RPL7A: variants seen among roughly 807,000 people sequenced by gnomAD.
RPL7A encodes large ribosomal subunit protein eL8.
For synonymous variants in RPL7A, 158 were observed against 128.2 expected (o/e 1.23, Z -1.57); for missense variants, 291 against 338.2 (o/e 0.86, Z 1.09).
At position 133,349,538 on chromosome 9, in the gene RPL7A, C is replaced by T; in HGVS notation, c.125-13C>T. 1 of 1,614,080 alleles carries T rather than the reference C, an allele frequency of 6.2e-7. No individual in the cohort carries two copies. The highest frequency in any genetic ancestry group is 8.5e-7 in the Non-Finnish European group (1 of 1,179,966). On this transcript the variant is annotated splice_polypyrimidine_tract_variant and intron_variant, in intron 2 of 7. Coordinates refer to ENST00000323345, the MANE Select transcript of RPL7A (RefSeq NM_000972.3). ...AATTTGAGCCTCACTCGGTGTCACCCTTTACTTCTCAGGACAGGACATCCA... is the reference window on the plus strand; with the variant it reads ...AATTTGAGCCTCACTCGGTGTCACCTTTTACTTCTCAGGACAGGACATCCA...
chr9:133,350,915 G>A (rs1836381129), intron 6 of RPL7A, 87 bp from the exon 7 acceptor site: 2 of 1,525,830 alleles, frequency 1.3e-6, no homozygotes, highest in South Asian at 1.1e-5. Flanking sequence ...TGAGGCAAAA[G>A]ACTGTCTTGA....
chr9:133,350,293 A>G lies in RPL7A; in HGVS notation c.469A>G (p.Ile157Val), dbSNP rs2129992666. ...VENKKAQLVVIAHDVDPIELV... is the reference protein window; with the variant it reads ...VENKKAQLVVVAHDVDPIELV... The stretch of plus-strand genomic sequence containing the variant: ...GAACAAGAAAGCTCAGCTGGTGGTG[A>G]TTGCACACGACGTGGATCCCATCGA... Residue 157 changes from isoleucine (I) to valine (V), a missense_variant, in exon 5 of 8, where the codon ATT becomes GTT. Physicochemically the swap from Ile to Val is conservative, Grantham distance 29. Coordinates refer to ENST00000323345, the MANE Select transcript of RPL7A (RefSeq NM_000972.3). 1.9e-6 allele frequency: 3 copies of G among 1,613,956 alleles called. No homozygotes were observed. Among genetic ancestry groups the G allele is most frequent in the Admixed American group, 3.3e-5 (2 of 59,992 alleles).
At position 133,348,959 on chromosome 9, in the gene RPL7A, C is replaced by T. The variant is rs2129982442; in HGVS notation, c.41C>T (p.Pro14Leu). The part of the protein sequence containing the change: ...GKKAKGKKVA[P>L]APAVVKKQEA... ...AAGGCCAAGGGAAAGAAGGTGGCTC[C>T]GGCCCCAGCTGTCGTGAAGAAGCAG... The change falls in exon 2 of 8, where the codon CCG becomes CTG. Residue 14 changes from proline to leucine, a missense_variant. By Grantham distance (98) the Pro-to-Leu change is moderately conservative. Transcript: ENST00000323345. 2 of 1,613,960 alleles carry T rather than the reference C, an allele frequency of 1.2e-6. No individual in the cohort carries two copies. Among genetic ancestry groups the T allele is most frequent in the Non-Finnish European group, 1.7e-6 (2 of 1,180,000 alleles).
rs1448619961 is a variant in RPL7A, at chr9:133,351,393, T to TA, written c.*32dup. ...TGTACACTGTTGAGTTTTCTGTACA[T>TA]AAAAATAATTGAAATAATACAAATT... On this transcript the variant is annotated 3_prime_UTR_variant, in exon 8 of 8. Transcript: ENST00000323345. 1 of 1,473,870 alleles carries TA rather than the reference T, an allele frequency of 6.8e-7. No individual in the cohort carries two copies. The highest frequency in any genetic ancestry group is 1.4e-5 in the African/African-American group (1 of 72,254). The allele number at this position is 1,473,870 out of a possible 1,614,324, so 91.3% of individuals were successfully genotyped here. A position where few individuals can be genotyped will look rare whatever the true frequency, so the allele number is the denominator to read the frequency against.
At chr9:133,349,872 A>AAC in intron 3 of RPL7A, 40 bp from the exon 4 acceptor site, 1 of 1,607,172 alleles carries the variant, frequency 6.2e-7, no homozygotes, top group Non-Finnish European at 8.5e-7. Flanking sequence ...CAAGGATTAG[A>AAC]ACCTTGACTC....
Position 133,348,312 on chromosome 9 carries a change from C to A in RPL7A, c.3+66C>A, listed in dbSNP as rs2129977926. On this transcript the variant is annotated intron_variant, in intron 1 of 7. Transcript: ENST00000323345. Reference sequence around the variant, plus strand: ...GGCTGTATCCGCTGCCATCCTCCTCCAGGCGCGGCCTCGGAGGGCCTCCTG... The same window carrying A: ...GGCTGTATCCGCTGCCATCCTCCTCAAGGCGCGGCCTCGGAGGGCCTCCTG... 277 of 1,610,988 alleles carry A rather than the reference C, an allele frequency of 1.7e-4. 1 individual carries two copies. The African/African-American group carries it at 3.6e-3, about 21-fold the overall frequency.
Position 133,350,225 on chromosome 9 carries a change from G to C in RPL7A, c.416-15G>C. On this transcript the variant is annotated splice_polypyrimidine_tract_variant and intron_variant, in intron 4 of 7. Coordinates refer to ENST00000323345, the MANE Select transcript of RPL7A (RefSeq NM_000972.3). The stretch of plus-strand genomic sequence containing the variant: ...CAGGCCCTGTGAGTGCTCACAAAGT[G>C]GTTGTGTGTTCTAGGAGTTAACACC... The C allele has an allele frequency of 6.2e-7, 1 of 1,613,846 alleles. No individual in the cohort carries two copies. The highest frequency in any genetic ancestry group is 8.5e-7 in the Non-Finnish European group (1 of 1,179,930).
rs2129976896 is a variant in RPL7A at position 133,348,226 on chromosome 9, C to T, written c.-18C>T. 46 of 1,613,942 alleles carry T rather than the reference C, an allele frequency of 2.9e-5. No homozygotes were observed. Among genetic ancestry groups the T allele is most frequent in the African/African-American group, 1.7e-4 (13 of 74,924 alleles). On this transcript the variant is annotated 5_prime_UTR_variant, in exon 1 of 8. Transcript: ENST00000323345. Reference sequence around the variant, plus strand: ...ACCCACAATTCCCTTTCCTTTCTCTCTCCTCCCGCCGCCCAAGATGGTGAG... The same window carrying T: ...ACCCACAATTCCCTTTCCTTTCTCTTTCCTCCCGCCGCCCAAGATGGTGAG...
intron 5 of RPL7A, 28 bp downstream of exon 5, chr9:133,350,347 A>T: frequency 6.2e-7 from 1 of 1,610,898 alleles, no homozygotes; most frequent in Non-Finnish European, 8.5e-7. Flanking sequence ...CTGCTAACCC[A>T]AGGGCTTCTG....
chr9:133,351,209 G>GA, intron 7 of RPL7A, 53 bp from the exon 8 acceptor site: 4 of 1,582,040 alleles, frequency 2.5e-6, no homozygotes, highest in Non-Finnish European at 2.6e-6. Flanking sequence ...TAATAACCTT[G>GA]AAAATCTCAG....
At chr9:133,348,474 C>A (rs587746345) in intron 1 of RPL7A, 4 of 633,096 alleles carry the variant, frequency 6.3e-6, no homozygotes, top group Non-Finnish European at 1.1e-5. Context: ...GCGTTGTTCC[C>A]GGTGTCGCAG....
chr9:133,349,190 A>C lies in RPL7A; in HGVS notation c.124+148A>C, dbSNP rs2129984035. 7 of 1,002,624 alleles carry C rather than the reference A, an allele frequency of 7.0e-6. No homozygotes were observed. The East Asian group carries it at 7.3e-5, about 10-fold the overall frequency. 62.1% of individuals were successfully genotyped at this position (1,002,624 alleles called of 1,614,324 possible). A position where few individuals can be genotyped will look rare whatever the true frequency, so the allele number is the denominator to read the frequency against. On this transcript the variant is annotated intron_variant, in intron 2 of 7. Coordinates refer to ENST00000323345, the MANE Select transcript of RPL7A (RefSeq NM_000972.3). ...CTCTTAGAGACGGGGGCAATGATAC[A>C]TGCTTCTTGCTTTCATTGGGAGTTG...
chr9:133,350,933 G>C, intron 6 of RPL7A, 69 bp from the exon 7 acceptor site: 1 of 1,549,842 alleles, frequency 6.5e-7, no homozygotes, highest in Non-Finnish European at 8.9e-7. Context: ...TGAGCTAAAA[G>C]GTATTTTTGC....
At position 133,350,598 on chromosome 9, in the gene RPL7A, T is replaced by G; in HGVS notation, c.497T>G (p.Leu166Arg). The change falls in exon 6 of 8, where the codon CTG becomes CGG. Residue 166 changes from leucine (L) to arginine (R), a missense_variant and splice_region_variant. Leu to Arg is a moderately radical substitution (Grantham distance 102). Coordinates refer to ENST00000323345, the MANE Select transcript of RPL7A (RefSeq NM_000972.3). ...VIAHDVDPIELVVFLPALCRK... is the reference protein window; with the variant it reads ...VIAHDVDPIERVVFLPALCRK... ...TCTTCAGCTAATGCTTTCTTCCAGC[T>G]GGTTGTCTTCTTGCCTGCCCTGTGT... 6.2e-7 allele frequency: 1 copy of G among 1,614,048 alleles called. No homozygotes were observed. Among genetic ancestry groups the G allele is most frequent in the Admixed American group, 1.7e-5 (1 of 60,018 alleles).
chr9:133,349,136 G>T (rs963148687), intron 2 of RPL7A, 94 bp downstream of exon 2: 22 of 1,457,286 alleles, frequency 1.5e-5, no homozygotes, highest in Non-Finnish European at 2.0e-5. Flanking sequence ...TTTAGTGGGT[G>T]TAAAGTGGTC....
At chr9:133,350,470 ATCTC>A (rs782601267) in intron 5 of RPL7A, 123 bp from the exon 6 acceptor site, 3 of 1,538,370 alleles carry the variant, frequency 2.0e-6, no homozygotes, top group Non-Finnish European at 2.7e-6. Context: ...AATGATGTGA[ATCTC>A]TCACTGAATT....
intron 3 of RPL7A, 88 bp from the exon 4 acceptor site, chr9:133,349,823 AG>A: frequency 6.3e-7 from 1 of 1,577,402 alleles, no homozygotes; most frequent in Non-Finnish European, 8.6e-7. Context: ...GTCATATAGC[AG>A]GACCGCAGTC....
chr9:133,351,396 A>G lies in RPL7A; in HGVS notation c.*30A>G. The G allele has an allele frequency of 1.4e-6, 2 of 1,432,216 alleles. No individual in the cohort carries two copies. The highest frequency in any genetic ancestry group is 1.9e-6 in the Non-Finnish European group (2 of 1,027,652). The allele number at this position is 1,432,216 out of a possible 1,614,324, so 88.7% of individuals were successfully genotyped here. A position where few individuals can be genotyped will look rare whatever the true frequency, so the allele number is the denominator to read the frequency against. On this transcript the variant is annotated 3_prime_UTR_variant, in exon 8 of 8. Coordinates refer to ENST00000323345, the MANE Select transcript of RPL7A (RefSeq NM_000972.3). ...ACACTGTTGAGTTTTCTGTACATAA[A>G]AATAATTGAAATAATACAAATTTTC...
intron 2 of RPL7A, 89 bp from the exon 3 acceptor site, chr9:133,349,462 G>A (rs2129986272): frequency 1.1e-5 from 17 of 1,502,484 alleles, no homozygotes; most frequent in Middle Eastern, 1.7e-4. Flanking sequence ...CACCAAGATC[G>A]CTGATGCACC....
Sources: allele counts gnomAD v4.1 joint callset, GRCh38; gene constraint gnomAD v4.1.1; transcripts MANE v1.5; gene names NCBI Gene and HGNC (gene_info 2026-07-23, HGNC 2026-07-21).